MYLK4: variants seen among roughly 807,000 people sequenced by gnomAD.
MYLK4 encodes caMLCK like.
MYLK4 carries 46 observed loss-of-function variants against 48.1 expected under a neutral mutation model. That is an observed-to-expected ratio of 0.96 (90% CI 0.75 to 1.22). The LOEUF is 1.22. Ranked by LOEUF, MYLK4 falls within the 50% of genes most tolerant of loss-of-function variation. The pLI, the probability that MYLK4 is intolerant of heterozygous loss-of-function variation, is 0.00. For synonymous variants in MYLK4, 170 were observed against 180.8 expected (o/e 0.94, Z 0.48); for missense variants, 451 against 486.1 (o/e 0.93, Z 0.68).
chr6:2,685,196 T>C lies in MYLK4; in HGVS notation c.545+100A>G. 2.4e-6 allele frequency: 2 copies of C among 818,862 alleles called. No homozygotes were observed. The highest frequency in any genetic ancestry group is 2.9e-5 in the South Asian group (2 of 68,470). The allele number at this position is 818,862 out of a possible 1,614,324, so 50.7% of individuals were successfully genotyped here. ...CGAATCAGAGTCTGCGGGGGCGAGCTTGGTTCTGGTCCCGCTACAGCAGGA... is the reference window on the plus strand; with the variant it reads ...CGAATCAGAGTCTGCGGGGGCGAGCCTGGTTCTGGTCCCGCTACAGCAGGA... On this transcript the variant is annotated intron_variant, in intron 6 of 12. Coordinates refer to ENST00000274643, the MANE Select transcript of MYLK4 (RefSeq NM_001012418.5). The surrounding 1 kb of genome is among the most constrained non-coding windows in gnomAD (Gnocchi z 4.5).
chr6:2,672,482 G>A lies in MYLK4; in HGVS notation c.1120-1134C>T, dbSNP rs1760936483. Among the ~76,000 whole-genome samples, 1 of 152,182 alleles carries A rather than the reference G, an allele frequency of 6.6e-6. No individual in the cohort carries two copies. Among genetic ancestry groups the A allele is most frequent in the African/African-American group, 2.4e-5 (1 of 41,438 alleles). ...ATGCTACTCAAGTGGTTACAAAATA[G>A]TAAGTGCTTTTAAGCTTGAAGCAAA... On this transcript the variant is annotated intron_variant, in intron 11 of 12. Transcript: ENST00000274643. The surrounding 1 kb of genome is among the most constrained non-coding windows in gnomAD (Gnocchi z 4.3).
rs540999201 is a variant in MYLK4 at position 2,701,032 on chromosome 6, T to C, written c.160-8173A>G. 1.7e-4 allele frequency among the ~76,000 whole-genome samples: 26 copies of C among 152,312 alleles called. No individual in the cohort carries two copies. In the South Asian group the frequency reaches 5.2e-3, roughly 30 times the overall value. ...CTAAGAAATTGAGAGCGTGAGTGCATGTGTGTGTCAACCGACTTCAAATGG... is the reference window on the plus strand; with the variant it reads ...CTAAGAAATTGAGAGCGTGAGTGCACGTGTGTGTCAACCGACTTCAAATGG... On this transcript the variant is annotated intron_variant, in intron 2 of 12. Coordinates refer to ENST00000274643, the MANE Select transcript of MYLK4 (RefSeq NM_001012418.5).
rs146030398 is a variant in MYLK4, at chr6:2,694,677, G to A, written c.160-1818C>T. ...GGTGATGATGGTGGTAGTGGTGACA[G>A]CTACCATGTATTGTGCACACACATT... On this transcript the variant is annotated intron_variant, in intron 2 of 12. Coordinates refer to ENST00000274643, the MANE Select transcript of MYLK4 (RefSeq NM_001012418.5). 8.1e-3 allele frequency among the ~76,000 whole-genome samples: 860 copies of A among 105,972 alleles called. 3 individuals are homozygous for A. The highest frequency in any genetic ancestry group is 0.028 in the African/African-American group (797 of 28,750). The allele number at this position is 105,972 out of a possible 152,430, so 69.5% of individuals were successfully genotyped here.
At chr6:2,692,040 G>A (rs1761824282) in intron 3 of MYLK4, among the ~76,000 whole-genome samples, 1 of 152,134 alleles carries the variant, frequency 6.6e-6, no homozygotes, top group African/African-American at 2.4e-5. Flanking sequence ...TTTGACATTG[G>A]TCCAGCACTG....
Position 2,667,279 on chromosome 6 carries a change from T to C in MYLK4, c.*646A>G, listed in dbSNP as rs1253519952. 2 of 152,120 alleles carry C rather than the reference T, an allele frequency of 1.3e-5. No homozygotes were observed. The highest frequency in any genetic ancestry group is 4.8e-5 in the African/African-American group (2 of 41,422). The allele number at this position is 152,120 out of a possible 1,614,324, so 9.4% of individuals were successfully genotyped here. On this transcript the variant is annotated 3_prime_UTR_variant, in exon 13 of 13. Transcript: ENST00000274643. ...GGAAGAAAACGCACGCTGGGGACAA[T>C]TCAGAATAAATGAAAGACACAGTGG...
intron 11 of MYLK4, 97 bp downstream of exon 11, chr6:2,674,950 G>GA (rs1369056826): frequency 2.3e-6 from 2 of 864,226 alleles, no homozygotes; most frequent in Non-Finnish European, 3.8e-6. Flanking sequence ...AAAAGAATGA[G>GA]AAAGAATCTT....
chr6:2,768,784 C>T, the MYLK4 span: 3 of 1,613,552 alleles, frequency 1.9e-6, no homozygotes, highest in Non-Finnish European at 8.5e-7. Context: ...AAATGATGTG[C>T]GAGATGTCAT....
chr6:2,687,509 G>C (rs190824190), intron 4 of MYLK4, among the ~76,000 whole-genome samples: 1 of 152,322 alleles, frequency 6.6e-6, no homozygotes, highest in Admixed American at 6.5e-5. Flanking sequence ...TTCTTTCAAA[G>C]CTTCTTCTGC....
intron 2 of MYLK4, among the ~76,000 whole-genome samples, chr6:2,745,394 A>G (rs538863509): frequency 6.6e-6 from 1 of 152,334 alleles, no homozygotes; most frequent in East Asian, 1.9e-4. Context: ...AATGGTATGG[A>G]CACAGTAGCT....
intron 2 of MYLK4, among the ~76,000 whole-genome samples, chr6:2,745,502 T>C (rs2113372791): frequency 6.6e-6 from 1 of 152,358 alleles, no homozygotes; most frequent in South Asian, 2.1e-4. Context: ...ATCTAGTTTA[T>C]TATGGCATAT....
At chr6:2,698,653 G>C (rs766541527) in intron 2 of MYLK4, among the ~76,000 whole-genome samples, 1 of 152,142 alleles carries the variant, frequency 6.6e-6, no homozygotes, top group Non-Finnish European at 1.5e-5. Flanking sequence ...ATTCCTAATG[G>C]GGGAGAGAAC....
intron 6 of MYLK4, among the ~76,000 whole-genome samples, chr6:2,683,392 TGTGTGTGTG>T (rs1561836813): frequency 1.7e-5 from 1 of 57,538 alleles, no homozygotes; most frequent in Non-Finnish European, 3.2e-5. Flanking sequence ...CCCACCTTTT[TGTGTGTGTG>T]TGTGTGTGTG....
intron 2 of MYLK4, among the ~76,000 whole-genome samples, chr6:2,720,555 C>T (rs1298063323): frequency 2.0e-5 from 3 of 152,058 alleles, no homozygotes; most frequent in African/African-American, 7.2e-5. Context: ...AAAAGTCATG[C>T]AAAAACTGCA....
intron 11 of MYLK4, among the ~76,000 whole-genome samples, chr6:2,674,786 G>T (rs1473119088): frequency 6.6e-6 from 1 of 152,150 alleles, no homozygotes; most frequent in Non-Finnish European, 1.5e-5. Flanking sequence ...CAGGAGAATC[G>T]CTTGAACCAG....
At chr6:2,669,974 T>A (rs1017885614) in intron 12 of MYLK4, among the ~76,000 whole-genome samples, 1 of 152,158 alleles carries the variant, frequency 6.6e-6, no homozygotes, top group Admixed American at 6.5e-5. Flanking sequence ...TTCTACCCCA[T>A]CTTATTCCAC....
chr6:2,692,100 AG>A (rs1274708877), intron 3 of MYLK4, among the ~76,000 whole-genome samples: 1 of 152,154 alleles, frequency 6.6e-6, no homozygotes, highest in Non-Finnish European at 1.5e-5. Flanking sequence ...CTTATCCACT[AG>A]TATCTTCCTT....
intron 3 of MYLK4, among the ~76,000 whole-genome samples, chr6:2,690,610 C>A (rs953898371): frequency 6.6e-6 from 1 of 152,022 alleles, no homozygotes; most frequent in African/African-American, 2.4e-5. Context: ...TGGAGCAGCA[C>A]GCTCCCCATC....
chr6:2,747,804 GT>G (rs1262827751), intron 2 of MYLK4, among the ~76,000 whole-genome samples: 44 of 152,130 alleles, frequency 2.9e-4, no homozygotes, highest in Admixed American at 2.8e-3. Flanking sequence ...TGTCTTCTCT[GT>G]CCTACCGAAA....
chr6:2,749,245 T>C lies in MYLK4; in HGVS notation c.50A>G (p.Asn17Ser). ...LEEFNTCYNSNQLEKMAFFQC... is the reference protein window; with the variant it reads ...LEEFNTCYNSSQLEKMAFFQC... Reference sequence around the variant, plus strand: ...AAAAAAGGCCATTTTCTCCAGCTGGTTGCTGTTATAACACGTGTTGAATTC... The same window carrying C: ...AAAAAAGGCCATTTTCTCCAGCTGGCTGCTGTTATAACACGTGTTGAATTC... The change falls in exon 2 of 13, where the codon AAC becomes AGC. Residue 17 changes from asparagine (N) to serine (S), a missense_variant. Physicochemically the swap from Asn to Ser is conservative, Grantham distance 46 (BLOSUM62 1). Transcript: ENST00000274643. 3 of 1,614,030 alleles carry C rather than the reference T, an allele frequency of 1.9e-6. No individual in the cohort carries two copies. Among genetic ancestry groups the C allele is most frequent in the Non-Finnish European group, 2.5e-6 (3 of 1,179,882 alleles).
Sources: gnomAD v4.1 joint callset for allele counts (sites outside exome capture counted in the v4.1 genomes callset) on GRCh38, gnomAD v4.1.1 for gene constraint, Gnocchi (gnomAD v3.1) non-coding constraint, MANE v1.5 for transcripts, NCBI Gene and HGNC (gene_info 2026-07-23, HGNC 2026-07-21) for gene names.